The following CMIP variants were observed in gnomAD, a reference collection of about 807,000 sequenced individuals.
The protein encoded by CMIP is c-Maf inducing protein.
CMIP carries 13 observed loss-of-function variants against 97.3 expected under a neutral mutation model. The ratio of observed to expected loss-of-function variants is 0.13; its 90% confidence interval spans 0.09 to 0.21. CMIP has a LOEUF of 0.21. Among genes scored for constraint, CMIP ranks in the 10% least tolerant of loss-of-function variants. CMIP has a pLI of 1.00. For missense variants in CMIP, 847 were observed against 1,024.9 expected (o/e 0.83, Z 2.37); for synonymous variants, 538 against 436.3 (o/e 1.23, Z -2.91).
At chr16:81,524,108 C>G (rs530912464) in intron 1 of CMIP, among the ~76,000 whole-genome samples, 19 of 152,346 alleles carry the variant, frequency 1.2e-4, no homozygotes, top group Non-Finnish European at 2.4e-4. Flanking sequence ...AACCCTCTGA[C>G]CTGTGAGGTG....
chr16:81,618,180 C>T (rs1016161309), intron 2 of CMIP, among the ~76,000 whole-genome samples: 38 of 152,060 alleles, frequency 2.5e-4, no homozygotes, highest in African/African-American at 9.2e-4. Context: ...TCTGGAGGTC[C>T]GAAGTCCAAC....
intron 2 of CMIP, among the ~76,000 whole-genome samples, chr16:81,613,491 C>G (rs975822170): frequency 1.3e-5 from 2 of 150,866 alleles, no homozygotes; most frequent in Non-Finnish European, 2.9e-5. Flanking sequence ...CTGTGGAACC[C>G]TAAACAGCAG....
At chr16:81,597,319 G>C (rs1432850579) in intron 1 of CMIP, among the ~76,000 whole-genome samples, 2 of 152,164 alleles carry the variant, frequency 1.3e-5, no homozygotes, top group Non-Finnish European at 2.9e-5. Flanking sequence ...CAGTCTGCTG[G>C]TATGATGGTC....
intron 19 of CMIP, 111 bp from the exon 20 acceptor site, chr16:81,706,903 C>G (rs1908212333): frequency 1.2e-6 from 1 of 856,956 alleles, no homozygotes; most frequent in Non-Finnish European, 1.9e-6. Flanking sequence ...CCAGCCCCAT[C>G]TCCTAACAGG....
chr16:81,579,719 TA>T (rs34345437), intron 1 of CMIP, among the ~76,000 whole-genome samples: 5 of 151,510 alleles, frequency 3.3e-5, no homozygotes, highest in Middle Eastern at 3.4e-3. Context: ...TTCTGCCACT[TA>T]AAAAAAAATG....
At chr16:81,674,364 C>A (rs1390008618) in intron 9 of CMIP, among the ~76,000 whole-genome samples, 1 of 152,212 alleles carries the variant, frequency 6.6e-6, no homozygotes, top group Non-Finnish European at 1.5e-5. Flanking sequence ...ATCTCCTGAC[C>A]TCGTGATCCA....
At chr16:81,683,838 T>C (rs1296717595) in intron 10 of CMIP, among the ~76,000 whole-genome samples, 1 of 137,706 alleles carries the variant, frequency 7.3e-6, no homozygotes, top group Non-Finnish European at 1.5e-5. Context: ...CTCAGCTCAC[T>C]GCAACCTCTG....
At chr16:81,497,996 G>A (rs541139619) in intron 1 of CMIP, among the ~76,000 whole-genome samples, 69 of 152,324 alleles carry the variant, frequency 4.5e-4, no homozygotes, top group African/African-American at 1.6e-3. Context: ...ACTAAGTTTC[G>A]GTTTCCTTTT....
intron 1 of CMIP, among the ~76,000 whole-genome samples, chr16:81,500,851 TTTCC>T (rs1270180122): frequency 5.3e-5 from 8 of 152,162 alleles, no homozygotes; most frequent in Non-Finnish European, 1.2e-4. Context: ...TCCTTCTTTC[TTTCC>T]TTCCTTCTTT....
At position 81,616,764 on chromosome 16, in the gene CMIP, G is replaced by A. The variant is rs1402606305; in HGVS notation, c.427-4112G>A. Among the ~76,000 whole-genome samples, 2 of 152,246 alleles carry A rather than the reference G, an allele frequency of 1.3e-5. No individual in the cohort carries two copies. Among genetic ancestry groups the A allele is most frequent in the Non-Finnish European group, 1.5e-5 (1 of 68,040 alleles). ...AAACCCAGATGGCTCTGCCTGGAAG[G>A]ATGGGGCTGAGAAGAGACTGATGTG... On this transcript the variant is annotated intron_variant, in intron 2 of 20. Transcript: ENST00000537098. This position sits in a 1 kb window ranked among gnomAD's most constrained non-coding sequence, Gnocchi z 4.7.
intron 1 of CMIP, chr16:81,476,667 C>G (rs1907942697): frequency 2.7e-6 from 1 of 371,752 alleles, no homozygotes; most frequent in Non-Finnish European, 5.1e-6. Context: ...TATATGAGAT[C>G]CATTGTATGA....
intron 1 of CMIP, among the ~76,000 whole-genome samples, chr16:81,569,922 C>T (rs1287705857): frequency 3.3e-5 from 5 of 151,494 alleles, no homozygotes; most frequent in Non-Finnish European, 5.9e-5. Flanking sequence ...GCTGTCTAAG[C>T]GTTCGTTATG....
At chr16:81,493,892 C>T (rs189342389) in intron 1 of CMIP, among the ~76,000 whole-genome samples, 6 of 152,342 alleles carry the variant, frequency 3.9e-5, no homozygotes, top group African/African-American at 7.2e-5. Flanking sequence ...CGCGGCCTGT[C>T]ACCCGCCGTT....
At chr16:81,708,223 G>A (rs762232051) in intron 20 of CMIP, among the ~76,000 whole-genome samples, 2 of 152,252 alleles carry the variant, frequency 1.3e-5, no homozygotes, top group Admixed American at 6.5e-5. Flanking sequence ...GAAGGTGGCA[G>A]GGGCACAGCC....
intron 1 of CMIP, among the ~76,000 whole-genome samples, chr16:81,499,449 G>A (rs1466582873): frequency 2.0e-5 from 3 of 152,202 alleles, no homozygotes; most frequent in African/African-American, 7.2e-5. Flanking sequence ...TGCCCAGTTC[G>A]GGAGGGAAGT....
intron 1 of CMIP, chr16:81,495,450 GA>G: frequency 6.2e-7 from 1 of 1,611,496 alleles, no homozygotes; most frequent in Admixed American, 1.7e-5. Flanking sequence ...GGAAGTTACA[GA>G]TCTCCGCCCT....
chr16:81,600,612 T>C (rs2091642146), intron 1 of CMIP, among the ~76,000 whole-genome samples: 2 of 152,142 alleles, frequency 1.3e-5, no homozygotes, highest in Non-Finnish European at 2.9e-5. Flanking sequence ...GACGACTTAA[T>C]GGTATGGGGC....
At chr16:81,693,296 G>T in intron 12 of CMIP, 112 bp downstream of exon 12, 1 of 1,398,682 alleles carries the variant, frequency 7.1e-7, no homozygotes, top group Non-Finnish European at 1.0e-6. Context: ...CCTCTTGGCA[G>T]TTCTCTTGAG....
Position 81,452,596 on chromosome 16 carries a change from G to A in CMIP, c.300+7055G>A, listed in dbSNP as rs568149893. 1.4e-4 allele frequency among the ~76,000 whole-genome samples: 21 copies of A among 152,206 alleles called. No individual in the cohort carries two copies. The South Asian group carries it at 4.1e-3, about 30-fold the overall frequency. On this transcript the variant is annotated intron_variant, in intron 1 of 20. Transcript: ENST00000537098. ...ATAGTGGTCAGGGAAGCGGGTGATA[G>A]GACTTCCAGGGGGAAGAGCGTTCCA... is the stretch of plus-strand genomic sequence containing the variant.
Sources: allele counts gnomAD v4.1 joint callset (sites outside exome capture counted in the v4.1 genomes callset), GRCh38; gene constraint gnomAD v4.1.1; non-coding constraint Gnocchi (gnomAD v3.1); transcripts MANE v1.5; gene names NCBI Gene and HGNC (gene_info 2026-07-23, HGNC 2026-07-21).